The following ASPHD1 variants were observed in gnomAD, a reference collection of about 807,000 sequenced individuals.
The protein encoded by ASPHD1 is aspartate beta-hydroxylase domain containing 1.
A neutral mutation model predicts 28.3 loss-of-function variants in ASPHD1; 20 were observed. The observed-to-expected ratio is 0.71, with a 90% CI of 0.50 to 1.03. The LOEUF is 1.03. ASPHD1 is among the 50% of genes least tolerant of loss of function. The pLI is 0.00. For synonymous variants in ASPHD1, 240 were observed against 221.2 expected, an observed-to-expected ratio of 1.08 and a Z score of -0.75; for missense variants, 479 against 524.1, an observed-to-expected ratio of 0.91 and a Z score of 0.84.
Position 29,900,771 on chromosome 16 carries a change from G to T in ASPHD1, c.-201G>T. ...GAACCGCTGCCCAGGGGAGCTAGGAGGAAGCGGGGAGAGAGAGCGAGCGAA... is the reference window on the plus strand; with the variant it reads ...GAACCGCTGCCCAGGGGAGCTAGGATGAAGCGGGGAGAGAGAGCGAGCGAA... On this transcript the variant is annotated 5_prime_UTR_variant, in exon 1 of 3. In the 5' UTR this introduces an upstream ATG that the reference lacks. Transcript: ENST00000308748. The T allele has an allele frequency of 1.6e-6, 1 of 611,162 alleles. No individual in the cohort carries two copies. 37.9% of individuals were successfully genotyped at this position (611,162 alleles called of 1,614,324 possible).
chr16:29,901,994 C>A lies in ASPHD1; in HGVS notation c.949+74C>A. ...CCCCAGACCCTTCTCTCCGCCAGAG[C>A]CGTCTGCTGTCTGGTTCTCATTGTG... On this transcript the variant is annotated intron_variant, in intron 1 of 2. Transcript: ENST00000308748. The surrounding 1 kb of genome is among the most constrained non-coding windows in gnomAD (Gnocchi z 5.1). The A allele has an allele frequency of 1.6e-6, 2 of 1,219,132 alleles. No homozygotes were observed. Among genetic ancestry groups the A allele is most frequent in the South Asian group, 1.9e-5 (1 of 53,016 alleles). 75.5% of individuals were successfully genotyped at this position (1,219,132 alleles called of 1,614,324 possible). A position where few individuals can be genotyped will look rare whatever the true frequency, so the allele number is the denominator to read the frequency against.
At chr16:29,911,883 G>T in intron 3 of ASPHD1, 3 of 1,612,078 alleles carry the variant, frequency 1.9e-6, no homozygotes, top group Non-Finnish European at 2.5e-6. Flanking sequence ...GGGGGAGAGA[G>T]GATGGACGAG....
At chr16:29,919,833 T>C (rs1296912791), downstream of ASPHD1, 4 of 152,174 alleles carry the variant, frequency 2.6e-5, no homozygotes, top group African/African-American at 4.8e-5. Context: ...TTTCTGAAAT[T>C]TCTACAATTA....
At chr16:29,915,798 T>G (rs1330820554) in intron 3 of ASPHD1, among the ~76,000 whole-genome samples, 2 of 152,074 alleles carry the variant, frequency 1.3e-5, no homozygotes, top group Non-Finnish European at 2.9e-5. Context: ...ACAAAGGACT[T>G]TTTCATCACA....
chr16:29,913,007 C>A (rs1360525764), intron 3 of ASPHD1: 3 of 152,162 alleles, frequency 2.0e-5, no homozygotes, highest in Non-Finnish European at 4.4e-5. Flanking sequence ...CTTCTCCCAA[C>A]CTTGAAAACT....
At chr16:29,902,224 C>T (rs1479418717) in intron 1 of ASPHD1, among the ~76,000 whole-genome samples, 1 of 152,154 alleles carries the variant, frequency 6.6e-6, no homozygotes. Context: ...CTAAATAGTA[C>T]TCATAAAAAG....
chr16:29,906,740 T>G, downstream of ASPHD1: 1 of 730,442 alleles, frequency 1.4e-6, no homozygotes, highest in Non-Finnish European at 2.4e-6. Flanking sequence ...AAGTGAGCTG[T>G]GCCATGCAAT....
At chr16:29,911,186 G>A in intron 3 of ASPHD1, 4 of 1,611,510 alleles carry the variant, frequency 2.5e-6, no homozygotes, top group Non-Finnish European at 3.4e-6. Flanking sequence ...GGGGACCAGG[G>A]GACCAGGAGG....
rs2068540419 is a variant in ASPHD1, at chr16:29,901,197, GCCT to G, written c.231_233del (p.Ser78del). ...CATGCTCCCGTGGCCACTACCCCTG[GCCT>G]CCTCGGCCCTCACCTTGCTCTTCGG... is the stretch of plus-strand genomic sequence containing the variant. On this transcript the variant is annotated inframe_deletion, in exon 1 of 3. Coordinates refer to ENST00000308748, the MANE Select transcript of ASPHD1 (RefSeq NM_181718.4). This position sits in a 1 kb window ranked among gnomAD's most constrained non-coding sequence, Gnocchi z 5.1. The G allele has an allele frequency of 1.9e-6, 3 of 1,613,608 alleles. No homozygotes were observed. The African/African-American group carries it at 4.0e-5, about 22-fold the overall frequency.
At chr16:29,911,716 T>C in intron 3 of ASPHD1, 2 of 1,314,666 alleles carry the variant, frequency 1.5e-6, no homozygotes, top group Non-Finnish European at 2.1e-6. Context: ...ACAGATGTTC[T>C]TGTAGGCCCC....
At chr16:29,902,614 T>C (rs1016883422) in intron 1 of ASPHD1, among the ~76,000 whole-genome samples, 8 of 151,430 alleles carry the variant, frequency 5.3e-5, no homozygotes, top group African/African-American at 1.9e-4. Flanking sequence ...TTCATACCAT[T>C]CTCCTGCCTC....
downstream of ASPHD1, chr16:29,906,407 G>A (rs1352568982): frequency 5.9e-6 from 2 of 340,560 alleles, no homozygotes; most frequent in Non-Finnish European, 1.2e-5. Flanking sequence ...GAAACAGACT[G>A]ATAACGCTGA....
At chr16:29,911,908 A>G (rs1468414467) in intron 3 of ASPHD1, 1 of 1,609,680 alleles carries the variant, frequency 6.2e-7, no homozygotes, top group Non-Finnish European at 8.5e-7. Context: ...GTGAGGCTGC[A>G]GGGAGAGGCC....
At chr16:29,911,491 G>A (rs1025389227) in intron 3 of ASPHD1, 5 of 562,074 alleles carry the variant, frequency 8.9e-6, no homozygotes, top group Middle Eastern at 4.6e-4. Flanking sequence ...TTGGTGTCCC[G>A]ACCTCCTCAT....
In ASPHD1 at chr16:29,901,505, G is replaced by T; in HGVS notation, c.534G>T (p.Gly178=). ...AAQGGPGPGR[G]PGVLGIQRPG... ...AGGGTGGCCCAGGCCCTGGGAGAGGGCCAGGGGTCCTAGGTATTCAGCGCC... is the reference window on the plus strand; with the variant it reads ...AGGGTGGCCCAGGCCCTGGGAGAGGTCCAGGGGTCCTAGGTATTCAGCGCC... Residue 178 remains glycine, a synonymous_variant, in exon 1 of 3, where the codon GGG becomes GGT. Transcript: ENST00000308748. This position sits in a 1 kb window ranked among gnomAD's most constrained non-coding sequence, Gnocchi z 5.1. The T allele has an allele frequency of 6.3e-7, 1 of 1,598,790 alleles. No homozygotes were observed. The highest frequency in any genetic ancestry group is 2.2e-5 in the East Asian group (1 of 44,772).
chr16:29,912,648 C>G (rs1335279686), intron 3 of ASPHD1, among the ~76,000 whole-genome samples: 1 of 152,218 alleles, frequency 6.6e-6, no homozygotes, highest in African/African-American at 2.4e-5. Context: ...CCATGTTGGT[C>G]AGGCTGGTCA....
intron 1 of ASPHD1, among the ~76,000 whole-genome samples, chr16:29,904,427 A>G (rs1207422564): frequency 1.3e-5 from 2 of 151,610 alleles, no homozygotes; most frequent in Admixed American, 1.3e-4. Context: ...ACCTGGCGAC[A>G]GAGCAAGACT....
chr16:29,907,077 T>C, downstream of ASPHD1: 1 of 1,610,580 alleles, frequency 6.2e-7, no homozygotes, highest in Non-Finnish European at 8.5e-7. Flanking sequence ...GTTCAGGGTC[T>C]CCTCGAAGAT....
intron 3 of ASPHD1, among the ~76,000 whole-genome samples, chr16:29,919,323 T>C (rs1209491810): frequency 1.3e-5 from 2 of 152,218 alleles, no homozygotes; most frequent in Non-Finnish European, 2.9e-5. Context: ...AATAAAGTAA[T>C]GCTTATGGTA....
Sources: allele counts gnomAD v4.1 joint callset (sites outside exome capture counted in the v4.1 genomes callset), GRCh38; gene constraint gnomAD v4.1.1; non-coding constraint Gnocchi (gnomAD v3.1); transcripts MANE v1.5; gene names NCBI Gene and HGNC (gene_info 2026-07-23, HGNC 2026-07-21).